SLC1A2: variants seen among roughly 807,000 people sequenced by gnomAD.
SLC1A2 encodes the protein excitatory amino acid transporter 2.
Under a neutral mutation model 48.8 loss-of-function variants are expected in SLC1A2, and 15 were observed. That is an observed-to-expected ratio of 0.31 (90% CI 0.21 to 0.47). The LOEUF is 0.47. Ranked by LOEUF, SLC1A2 falls within the 20% of genes least tolerant of loss-of-function variation. SLC1A2 has a pLI of 0.99. For missense variants in SLC1A2, 502 were observed against 730.5 expected, an observed-to-expected ratio of 0.69 and a Z score of 3.61; for synonymous variants, 279 against 272.6, an observed-to-expected ratio of 1.02 and a Z score of -0.23.
chr11:35,282,639 A>C (rs963612875), intron 8 of SLC1A2, among the ~76,000 whole-genome samples: 19 of 152,210 alleles, frequency 1.2e-4, no homozygotes, highest in Non-Finnish European at 2.4e-4. Context: ...TGTTTCCCAA[A>C]CAGACAGAAC....
At chr11:35,311,501 G>T (rs1174435405) in intron 4 of SLC1A2, among the ~76,000 whole-genome samples, 1 of 152,076 alleles carries the variant, frequency 6.6e-6, no homozygotes, top group Non-Finnish European at 1.5e-5. Context: ...TTGCATAAGT[G>T]GCAAAAGAAA....
chr11:35,293,308 C>A (rs973431962), intron 6 of SLC1A2, among the ~76,000 whole-genome samples: 1 of 152,146 alleles, frequency 6.6e-6, no homozygotes, highest in African/African-American at 2.4e-5. Flanking sequence ...TGTGAAACTC[C>A]CAACTGGGGG....
chr11:35,283,364 G>T (rs1850702272), intron 8 of SLC1A2, among the ~76,000 whole-genome samples: 1 of 152,208 alleles, frequency 6.6e-6, no homozygotes, highest in Admixed American at 6.5e-5. Flanking sequence ...CAAACAAACT[G>T]CAGGCATGAA....
At chr11:35,390,718 T>C (rs1170319272) in intron 1 of SLC1A2, 1 of 150,244 alleles carries the variant, frequency 6.7e-6, no homozygotes, top group East Asian at 1.9e-4. Context: ...CAGGCTGGAG[T>C]GCAATGGCAC....
At chr11:35,374,926 G>T (rs1854178116) in intron 1 of SLC1A2, among the ~76,000 whole-genome samples, 1 of 152,156 alleles carries the variant, frequency 6.6e-6, no homozygotes, top group Admixed American at 6.5e-5. Flanking sequence ...TCTTAATGTT[G>T]ACAGGTTCTT....
In SLC1A2 at chr11:35,254,654, A is replaced by T; in HGVS notation, c.*6240T>A. 2.6e-6 allele frequency: 1 copy of T among 386,848 alleles called. No individual in the cohort carries two copies. The highest frequency in any genetic ancestry group is 1.9e-5 in the South Asian group (1 of 52,648). 24.0% of individuals were successfully genotyped at this position (386,848 alleles called of 1,614,324 possible). On this transcript the variant is annotated 3_prime_UTR_variant, in exon 11 of 11. Transcript: ENST00000278379. ...CAGTGAGGATGATGACAAGGCTAACAGTCAGTTGTCAGGTTTCAACACTCA... is the reference window on the plus strand; with the variant it reads ...CAGTGAGGATGATGACAAGGCTAACTGTCAGTTGTCAGGTTTCAACACTCA...
At chr11:35,269,400 T>C (rs1850209783) in intron 9 of SLC1A2, among the ~76,000 whole-genome samples, 1 of 152,218 alleles carries the variant, frequency 6.6e-6, no homozygotes, top group Non-Finnish European at 1.5e-5. Context: ...TTTTGTAGAA[T>C]TTGGGGAAGA....
upstream of SLC1A2, chr11:35,419,914 A>T: frequency 2.1e-6 from 1 of 468,110 alleles, no homozygotes; most frequent in Non-Finnish European, 4.4e-6. The surrounding 1 kb of genome is among the most constrained non-coding windows in gnomAD (Gnocchi z 5.4). Context: ...TCACCCCCAA[A>T]CTCACAGGCA....
rs747843586 is a variant in SLC1A2, at chr11:35,286,999, A to G, written c.1092-48T>C. The G allele has an allele frequency of 1.8e-5, 27 of 1,473,704 alleles. 1 individual carries two copies. The South Asian group carries it at 3.1e-4, about 17-fold the overall frequency. The allele number at this position is 1,473,704 out of a possible 1,614,324, so 91.3% of individuals were successfully genotyped here. ...AGACAGGGTTATGTCCACTTTAGAG[A>G]AGCAGGACAATGCATAAACTGGAAT... On this transcript the variant is annotated intron_variant, in intron 7 of 10. Transcript: ENST00000278379.
At chr11:35,327,177 T>C (rs561489872) in intron 1 of SLC1A2, among the ~76,000 whole-genome samples, 1 of 152,332 alleles carries the variant, frequency 6.6e-6, no homozygotes, top group East Asian at 1.9e-4. Flanking sequence ...TTCACATGAG[T>C]GTGCAGTTTG....
At chr11:35,330,000 G>A (rs1215549460) in intron 1 of SLC1A2, among the ~76,000 whole-genome samples, 1 of 152,196 alleles carries the variant, frequency 6.6e-6, no homozygotes, top group Non-Finnish European at 1.5e-5. Context: ...GTCAGAGAGA[G>A]GAGCACATTT....
rs1379955539 is a variant in SLC1A2 at position 35,255,386 on chromosome 11, T to C, written c.*5508A>G. On this transcript the variant is annotated 3_prime_UTR_variant, in exon 11 of 11. Transcript: ENST00000278379. ...AATTCCATTCTTGTAAGTTAGAGCA[T>C]CTCTTCCTGCAATGTGATACCCATG... is the stretch of plus-strand genomic sequence containing the variant. The C allele has an allele frequency of 6.6e-6, 1 of 152,320 alleles. No homozygotes were observed. Among genetic ancestry groups the C allele is most frequent in the Non-Finnish European group, 1.5e-5 (1 of 68,140 alleles). The allele number at this position is 152,320 out of a possible 1,614,324, so 9.4% of individuals were successfully genotyped here. A position where few individuals can be genotyped will look rare whatever the true frequency, so the allele number is the denominator to read the frequency against.
intron 9 of SLC1A2, among the ~76,000 whole-genome samples, chr11:35,279,375 C>A (rs998064506): frequency 3.3e-5 from 5 of 152,236 alleles, no homozygotes; most frequent in African/African-American, 1.2e-4. Context: ...ATGTCCTTCA[C>A]TGGGAAAGGT....
At chr11:35,412,098 A>T (rs1035569450) in intron 1 of SLC1A2, among the ~76,000 whole-genome samples, 4 of 152,014 alleles carry the variant, frequency 2.6e-5, no homozygotes, top group Non-Finnish European at 5.9e-5. Context: ...TGAAATTTTA[A>T]GGAAATGTGG....
At chr11:35,388,421 G>T (rs979385744) in intron 1 of SLC1A2, among the ~76,000 whole-genome samples, 1 of 152,110 alleles carries the variant, frequency 6.6e-6, no homozygotes, top group Non-Finnish European at 1.5e-5. Context: ...TTGACACAGG[G>T]TCTCACTCTG....
At chr11:35,293,669 A>C (rs192989576) in intron 6 of SLC1A2, among the ~76,000 whole-genome samples, 120 of 152,302 alleles carry the variant, frequency 7.9e-4, no homozygotes, top group African/African-American at 2.7e-3. Context: ...GAGAAAGACT[A>C]TGGGGAGAAT....
intron 1 of SLC1A2, among the ~76,000 whole-genome samples, chr11:35,392,522 A>G (rs1854814998): frequency 6.6e-6 from 1 of 152,212 alleles, no homozygotes; most frequent in South Asian, 2.1e-4. Flanking sequence ...GAATTCCCAG[A>G]GTCAATCAGC....
intron 1 of SLC1A2, among the ~76,000 whole-genome samples, chr11:35,395,945 C>T (rs752109931): frequency 7.4e-5 from 11 of 148,380 alleles, no homozygotes; most frequent in African/African-American, 1.8e-4. Context: ...TTTGTTCTTG[C>T]GATAGATTAC....
Position 35,254,062 on chromosome 11 carries a change from T to C in SLC1A2, c.*6832A>G, listed in dbSNP as rs1310163846. 1.3e-5 allele frequency: 2 copies of C among 152,530 alleles called. No homozygotes were observed. The highest frequency in any genetic ancestry group is 2.9e-5 in the Non-Finnish European group (2 of 68,014). 9.4% of individuals were successfully genotyped at this position (152,530 alleles called of 1,614,324 possible). A position where few individuals can be genotyped will look rare whatever the true frequency, so the allele number is the denominator to read the frequency against. On this transcript the variant is annotated 3_prime_UTR_variant, in exon 11 of 11. Transcript: ENST00000278379. ...AATTTGTGGATTTAGGGTGCAATACTGATCAGAGGGCAATATATTGTCCCT... is the reference window on the plus strand; with the variant it reads ...AATTTGTGGATTTAGGGTGCAATACCGATCAGAGGGCAATATATTGTCCCT...
Sources: allele counts gnomAD v4.1 joint callset (sites outside exome capture counted in the v4.1 genomes callset), GRCh38; gene constraint gnomAD v4.1.1; non-coding constraint Gnocchi (gnomAD v3.1); transcripts MANE v1.5; gene names NCBI Gene and HGNC (gene_info 2026-07-23, HGNC 2026-07-21).